Variants in SKI observed in about 807,000 individuals in gnomAD.
SKI encodes the protein SKI proto-oncogene, also known as ski oncogene.
A neutral mutation model predicts 59.3 loss-of-function variants in SKI; 23 were observed. That is an observed-to-expected ratio of 0.39 (90% CI 0.28 to 0.55). SKI has a LOEUF of 0.55. Ranked by LOEUF, SKI falls within the 20% of genes least tolerant of loss-of-function variation. The pLI, the probability that SKI is intolerant of heterozygous loss-of-function variation, is 0.67. For synonymous variants in SKI, 673 were observed against 488.6 expected (o/e 1.38, Z -4.98); for missense variants, 1,017 against 1,038.9 (o/e 0.98, Z 0.29).
chr1:2,243,433 T>C (rs1395763389), intron 1 of SKI, among the ~76,000 whole-genome samples: 2 of 152,220 alleles, frequency 1.3e-5, no homozygotes, highest in East Asian at 3.9e-4. Flanking sequence ...TTGCAGGAGC[T>C]CCTGTCAGGC....
chr1:2,307,021 C>G lies in SKI; in HGVS notation c.*256C>G. The stretch of plus-strand genomic sequence containing the variant: ...GCCAGCTCGGCGGCCTGCTGGTCCT[C>G]TGCTTGCTGGAACATTCTAACATTT... On this transcript the variant is annotated 3_prime_UTR_variant, in exon 7 of 7. Transcript: ENST00000378536. 2 of 294,736 alleles carry G rather than the reference C, an allele frequency of 6.8e-6. No individual in the cohort carries two copies. Among genetic ancestry groups the G allele is most frequent in the Non-Finnish European group, 1.3e-5 (2 of 159,516 alleles). 18.3% of individuals were successfully genotyped at this position (294,736 alleles called of 1,614,324 possible).
intron 1 of SKI, among the ~76,000 whole-genome samples, chr1:2,274,781 C>A (rs1180059157): frequency 1.3e-5 from 2 of 152,208 alleles, no homozygotes; most frequent in African/African-American, 2.4e-5. Flanking sequence ...GGGCAGGGAC[C>A]CCACTTTCTG....
chr1:2,240,629 C>G (rs1448130907), intron 1 of SKI: 2 of 985,306 alleles, frequency 2.0e-6, no homozygotes, highest in Non-Finnish European at 1.2e-6. Flanking sequence ...CCCGAAGTAA[C>G]CATACAGCAT....
At position 2,306,717 on chromosome 1, in the gene SKI, C is replaced by T. The variant is rs1300479899; in HGVS notation, c.2139C>T (p.Ala713=). Residue 713 remains alanine, a synonymous_variant, in exon 7 of 7, where the codon GCC becomes GCT. Transcript: ENST00000378536. ...TGCAGGAACAGCTGTGGCCGCGGGC[C>T]CGCCCCGAGGCTGCGGGCAGCGAGG... The part of the protein sequence containing the change: ...KELQEQLWPR[A]RPEAAGSEGA... The T allele has an allele frequency of 2.6e-6, 4 of 1,537,180 alleles. No homozygotes were observed. The highest frequency in any genetic ancestry group is 1.2e-5 in the South Asian group (1 of 83,124).
chr1:2,263,725 G>A (rs1013373075), intron 1 of SKI, among the ~76,000 whole-genome samples: 1 of 151,704 alleles, frequency 6.6e-6, no homozygotes, highest in South Asian at 2.1e-4. Context: ...GACTGGGCGC[G>A]GTGGCTCATG....
chr1:2,258,696 A>G (rs1024413841), intron 1 of SKI, among the ~76,000 whole-genome samples: 1 of 152,032 alleles, frequency 6.6e-6, no homozygotes, highest in African/African-American at 2.4e-5. Flanking sequence ...CTGGGATTAT[A>G]GGCGCCTGCC....
chr1:2,299,172 C>T (rs772893971), intron 1 of SKI, among the ~76,000 whole-genome samples: 2 of 152,358 alleles, frequency 1.3e-5, no homozygotes, highest in Non-Finnish European at 2.9e-5. Context: ...CGTTGAGCCC[C>T]GTCATTCAGC....
At chr1:2,251,114 C>T (rs1279672854) in intron 1 of SKI, among the ~76,000 whole-genome samples, 5 of 152,180 alleles carry the variant, frequency 3.3e-5, no homozygotes, top group Non-Finnish European at 1.5e-5. Flanking sequence ...CACTCTTGGC[C>T]ACTGCTGCTG....
chr1:2,254,441 G>A lies in SKI; in HGVS notation c.969+24706G>A, dbSNP rs552874847. Among the ~76,000 whole-genome samples the A allele has an allele frequency of 5.2e-4, 79 of 152,316 alleles. 3 individuals carry two copies. The South Asian group carries it at 0.013, about 24-fold the overall frequency. ...CTGAAATGGCAATGCCTCATCCTAG[G>A]ATTACCGTCCCTTCCCGAAGGCTTG... On this transcript the variant is annotated intron_variant, in intron 1 of 6. Coordinates refer to ENST00000378536, the MANE Select transcript of SKI (RefSeq NM_003036.4).
At chr1:2,298,608 G>A (rs1640347617) in intron 1 of SKI, among the ~76,000 whole-genome samples, 1 of 152,194 alleles carries the variant, frequency 6.6e-6, no homozygotes, top group Non-Finnish European at 1.5e-5. Context: ...ACCAATGAGG[G>A]CAAAGAGACC....
At chr1:2,250,888 G>A (rs1639132351) in intron 1 of SKI, among the ~76,000 whole-genome samples, 1 of 152,260 alleles carries the variant, frequency 6.6e-6, no homozygotes, top group Non-Finnish European at 1.5e-5. Flanking sequence ...CGGCAGCCCC[G>A]GGGGGCCGGT....
chr1:2,233,543 C>T lies in SKI; in HGVS notation c.969+3808C>T, dbSNP rs1007490542. On this transcript the variant is annotated intron_variant, in intron 1 of 6. Transcript: ENST00000378536. ...TCAGTGGGCTGTGGGTTGAGGGTCG[C>T]TTGGTTGGGAAGCTCTGCGCGCTTC... 3.3e-5 allele frequency among the ~76,000 whole-genome samples: 5 copies of T among 152,050 alleles called. No individual in the cohort carries two copies. In the South Asian group the frequency reaches 6.2e-4, roughly 19 times the overall value.
At chr1:2,240,511 G>T in intron 1 of SKI, 1 of 985,420 alleles carries the variant, frequency 1.0e-6, no homozygotes, top group South Asian at 4.7e-5. Flanking sequence ...GCGGGTGGTG[G>T]CTGGTTGTGG....
chr1:2,248,520 G>C (rs954845612), intron 1 of SKI, among the ~76,000 whole-genome samples: 1 of 152,210 alleles, frequency 6.6e-6, no homozygotes, highest in Non-Finnish European at 1.5e-5. Flanking sequence ...CAACTGTGAC[G>C]GTGCTGGTTG....
At chr1:2,305,738 C>G (rs891180717) in intron 5 of SKI, among the ~76,000 whole-genome samples, 1 of 152,206 alleles carries the variant, frequency 6.6e-6, no homozygotes. Context: ...GAACGTGGCC[C>G]TAGATACCGG....
At chr1:2,238,148 CT>C (rs1638791707) in intron 1 of SKI, among the ~76,000 whole-genome samples, 2 of 152,212 alleles carry the variant, frequency 1.3e-5, no homozygotes, top group Non-Finnish European at 2.9e-5. Flanking sequence ...GGAGGTCTGT[CT>C]GAGAGGAGTT....
chr1:2,291,376 C>T (rs893149719), intron 1 of SKI, among the ~76,000 whole-genome samples: 1 of 152,198 alleles, frequency 6.6e-6, no homozygotes, highest in African/African-American at 2.4e-5. Flanking sequence ...TGGTTCGAGG[C>T]TGAGTGCAGG....
At chr1:2,298,044 A>T (rs1328437433) in intron 1 of SKI, among the ~76,000 whole-genome samples, 2 of 152,164 alleles carry the variant, frequency 1.3e-5, no homozygotes. Flanking sequence ...TGGGCCGAGC[A>T]TCCATGCAGG....
Position 2,231,671 on chromosome 1 carries a change from A to T in SKI, c.969+1936A>T, listed in dbSNP as rs188453286. Among the ~76,000 whole-genome samples the T allele has an allele frequency of 8.5e-5, 13 of 152,352 alleles. No individual in the cohort carries two copies. The East Asian group carries it at 2.5e-3, about 29-fold the overall frequency. On this transcript the variant is annotated intron_variant, in intron 1 of 6. Transcript: ENST00000378536. Reference sequence around the variant, plus strand: ...AAGCAATTCCCAGGCCATACTGACGACGTGCACGGTGTGAGTGACTGCGTC... The same window carrying T: ...AAGCAATTCCCAGGCCATACTGACGTCGTGCACGGTGTGAGTGACTGCGTC...
Sources: allele counts gnomAD v4.1 joint callset (sites outside exome capture counted in the v4.1 genomes callset), GRCh38; gene constraint gnomAD v4.1.1; transcripts MANE v1.5; gene names NCBI Gene and HGNC (gene_info 2026-07-23, HGNC 2026-07-21).